Variants in CHRNA4 observed in about 807,000 individuals in gnomAD.
CHRNA4 encodes the protein cholinergic receptor nicotinic alpha 4 subunit, also known as neuronal acetylcholine receptor subunit alpha-4.
CHRNA4 carries 28 observed loss-of-function variants against 48.9 expected under a neutral mutation model. The observed-to-expected ratio is 0.57, with a 90% CI of 0.42 to 0.79. CHRNA4 has a LOEUF of 0.79. Ranked by LOEUF, CHRNA4 falls within the 30% of genes least tolerant of loss-of-function variation. The pLI is 0.00. For synonymous variants in CHRNA4, 425 were observed against 402.3 expected (o/e 1.06, Z -0.68); for missense variants, 859 against 898.4 (o/e 0.96, Z 0.56).
Position 63,350,705 on chromosome 20 carries a change from C to T in CHRNA4, c.706G>A (p.Ala236Thr), listed in dbSNP as rs2068581849. ...AGCGGCAGCCGCCGGATGACGAAGGCATAGGTGATGTCCGGGTAGATCTCG... is the reference window on the plus strand; with the variant it reads ...AGCGGCAGCCGCCGGATGACGAAGGTATAGGTGATGTCCGGGTAGATCTCG... Reference protein sequence around the residue: ...CAEIYPDITYAFVIRRLPLFY... With the variant: ...CAEIYPDITYTFVIRRLPLFY... The change falls in exon 5 of 6, where the codon GCC (alanine) becomes ACC (threonine). Residue 236 changes from alanine to threonine, a missense_variant. This residue lies in a region of CHRNA4 where 342 missense variants were observed against 365.3 expected (regional missense o/e 0.94). Coordinates refer to ENST00000370263, the MANE Select transcript of CHRNA4 (RefSeq NM_000744.7). 6.2e-7 allele frequency: 1 copy of T among 1,613,898 alleles called. No individual in the cohort carries two copies. Among genetic ancestry groups the T allele is most frequent in the Non-Finnish European group, 8.5e-7 (1 of 1,179,994 alleles).
At chr20:63,348,731 G>A (rs540106310) in intron 5 of CHRNA4, among the ~76,000 whole-genome samples, 3 of 152,076 alleles carry the variant, frequency 2.0e-5, no homozygotes, top group East Asian at 1.9e-4. Context: ...CGAGACCCCC[G>A]GCCACCTGTG....
intron 4 of CHRNA4, chr20:63,351,269 G>C (rs981017134): frequency 2.8e-4 from 20 of 72,560 alleles, no homozygotes; most frequent in Admixed American, 6.6e-4. Context: ...TCCACACACA[G>C]AGGCATTCTC....
In CHRNA4 at chr20:63,359,636, C is replaced by G; in HGVS notation, c.140G>C (p.Gly47Ala). ...CACGGGTCGGGACCACTTGTTGTAACCGGAGAAGAGTTTCTTCAGGAGCCG... is the reference window on the plus strand; with the variant it reads ...CACGGGTCGGGACCACTTGTTGTAAGCGGAGAAGAGTTTCTTCAGGAGCCG... Reference protein sequence around the residue: ...EERLLKKLFSGYNKWSRPVAN... With the variant: ...EERLLKKLFSAYNKWSRPVAN... The change falls in exon 2 of 6, where the codon GGT becomes GCT. Residue 47 changes from glycine (G) to alanine (A), a missense_variant. Gly to Ala is a moderately conservative substitution (Grantham distance 60). Transcript: ENST00000370263. The G allele has an allele frequency of 6.2e-7, 1 of 1,612,642 alleles. No individual in the cohort carries two copies. Among genetic ancestry groups the G allele is most frequent in the Non-Finnish European group, 8.5e-7 (1 of 1,179,946 alleles).
chr20:63,349,311 T>G (rs749455368), intron 5 of CHRNA4, among the ~76,000 whole-genome samples: 22 of 152,294 alleles, frequency 1.4e-4, no homozygotes, highest in Admixed American at 7.2e-4. Context: ...TGGCCATTGC[T>G]GGGCAGGAGT....
At chr20:63,351,186 T>TCCACGTCCACGCCAACAGCCACGC (rs760821300) in intron 4 of CHRNA4, 159 bp from the exon 5 acceptor site, 1 of 468,282 alleles carries the variant, frequency 2.1e-6, no homozygotes, top group African/African-American at 3.4e-5. Context: ...CACATCCATG[T>TCCACGTCCACGCCAACAGCCACGC]CCCACGCCCA....
In CHRNA4 at chr20:63,351,368, T is replaced by C. The variant is rs375693866; in HGVS notation, c.384-341A>G. ...CTCGTGCACCTCAGTTTATCATCCC[T>C]GAGCTGGGCGTAGCACGTGGTTCAG... On this transcript the variant is annotated intron_variant, in intron 4 of 5. Transcript: ENST00000370263. Among the ~76,000 whole-genome samples the C allele has an allele frequency of 4.1e-4, 62 of 152,366 alleles. 1 individual carries two copies. The South Asian group carries it at 0.011, about 26-fold the overall frequency.
In CHRNA4 at chr20:63,359,667, C is replaced by T. The variant is rs778087682; in HGVS notation, c.109G>A (p.Glu37Lys). Residue 37 changes from glutamate to lysine, a missense_variant, in exon 2 of 6, where the codon GAG (glutamate) becomes AAG (lysine). Transcript: ENST00000370263. ...AAGAGTTTCTTCAGGAGCCGCTCCT[C>T]GGCGTGGGCCCGGGTCTCCACATGG... is the stretch of plus-strand genomic sequence containing the variant. ...SSHVETRAHAEERLLKKLFSG... is the reference protein window; with the variant it reads ...SSHVETRAHAKERLLKKLFSG... 21 of 1,611,700 alleles carry T rather than the reference C, an allele frequency of 1.3e-5. 1 individual carries two copies. The highest frequency in any genetic ancestry group is 9.9e-5 in the South Asian group (9 of 91,052).
chr20:63,346,894 G>C (rs199842495), intron 5 of CHRNA4, 31 bp from the exon 6 acceptor site: 26 of 1,611,422 alleles, frequency 1.6e-5, no homozygotes, highest in South Asian at 3.3e-5. Context: ...ACTCCAGCAC[G>C]GCCCGGCCGC....
chr20:63,349,019 T>A (rs946763139), intron 5 of CHRNA4, among the ~76,000 whole-genome samples: 3 of 152,110 alleles, frequency 2.0e-5, no homozygotes, highest in Non-Finnish European at 2.9e-5. Flanking sequence ...GTAGGTGGGC[T>A]GGCCCCGGGC....
rs757301006 is a variant in CHRNA4 at position 63,345,084 on chromosome 20, TC to T, written c.*1653del. 5 of 453,866 alleles carry T rather than the reference TC, an allele frequency of 1.1e-5. No individual in the cohort carries two copies. The highest frequency in any genetic ancestry group is 7.8e-5 in the South Asian group (5 of 64,468). 28.1% of individuals were successfully genotyped at this position (453,866 alleles called of 1,614,324 possible). ...GGCCTGAGTCTCCTCCCCACTCACGTCACTGCCCGCGGGGACACAGCGGCAT... is the reference window on the plus strand; with the variant it reads ...GGCCTGAGTCTCCTCCCCACTCACGTACTGCCCGCGGGGACACAGCGGCAT... On this transcript the variant is annotated 3_prime_UTR_variant, in exon 6 of 6. Transcript: ENST00000370263. The surrounding 1 kb of genome is among the most constrained non-coding windows in gnomAD (Gnocchi z 5.4).
chr20:63,355,816 T>G, intron 4 of CHRNA4, 159 bp downstream of exon 4: 1 of 1,087,162 alleles, frequency 9.2e-7, no homozygotes, highest in East Asian at 2.6e-5. Flanking sequence ...TGCTCCTGCT[T>G]CTTCCTTCCT....
chr20:63,354,026 T>G (rs1011478490), intron 4 of CHRNA4, among the ~76,000 whole-genome samples: 34 of 89,964 alleles, frequency 3.8e-4, no homozygotes, highest in South Asian at 1.0e-3. Flanking sequence ...GTCCTAGGGG[T>G]GTTGTAGTCC....
Position 63,345,194 on chromosome 20 carries a change from G to A in CHRNA4, c.*1544C>T, listed in dbSNP as rs2068471916. ...ACCTCCTGACGAGACCCTGGCCCAGGAGAGCTCGGCTCGGGGACAGAGGAA... is the reference window on the plus strand; with the variant it reads ...ACCTCCTGACGAGACCCTGGCCCAGAAGAGCTCGGCTCGGGGACAGAGGAA... On this transcript the variant is annotated 3_prime_UTR_variant, in exon 6 of 6. Coordinates refer to ENST00000370263, the MANE Select transcript of CHRNA4 (RefSeq NM_000744.7). The surrounding 1 kb of genome is among the most constrained non-coding windows in gnomAD (Gnocchi z 5.4). The A allele has an allele frequency of 2.2e-6, 1 of 447,390 alleles. No individual in the cohort carries two copies. The highest frequency in any genetic ancestry group is 2.0e-5 in the African/African-American group (1 of 49,986). 27.7% of individuals were successfully genotyped at this position (447,390 alleles called of 1,614,324 possible).
chr20:63,351,462 G>A (rs1294379999), intron 4 of CHRNA4, among the ~76,000 whole-genome samples: 2 of 152,194 alleles, frequency 1.3e-5, no homozygotes, highest in African/African-American at 2.4e-5. Flanking sequence ...CCTTATCCAT[G>A]AGTGGCGCAT....
chr20:63,360,999 G>T (rs2068810585), intron 1 of CHRNA4, 91 bp downstream of exon 1: 4 of 1,091,552 alleles, frequency 3.7e-6, no homozygotes, highest in Non-Finnish European at 4.8e-6. Flanking sequence ...GCTTGGGACC[G>T]CAGTCAGGAG....
In CHRNA4 at chr20:63,350,564, G is replaced by A. The variant is rs1395158829; in HGVS notation, c.847C>T (p.Leu283=). The A allele has an allele frequency of 6.2e-7, 1 of 1,614,058 alleles. No homozygotes were observed. The highest frequency in any genetic ancestry group is 2.2e-5 in the East Asian group (1 of 44,882). ...EKITLCISVL[L]SLTVFLLLIT... is the part of the protein sequence containing the mutation. ...AGCAGCAGGAAGACGGTGAGCGACA[G>A]CAGCACGGAGATGCACAGCGTGATC... The change falls in exon 5 of 6, where the codon CTG becomes TTG. Residue 283 remains leucine, a synonymous_variant. Transcript: ENST00000370263.
At chr20:63,347,533 G>A (rs373869493) in intron 5 of CHRNA4, among the ~76,000 whole-genome samples, 2 of 152,216 alleles carry the variant, frequency 1.3e-5, no homozygotes, top group Admixed American at 6.5e-5. Flanking sequence ...GACCTCCCCC[G>A]GGTGACCCCC....
rs769233762 is a variant in CHRNA4, at chr20:63,350,266, G to A, written c.1145C>T (p.Pro382Leu). ...IESMHKMASAPRFWPEPEGEP... is the reference protein window; with the variant it reads ...IESMHKMASALRFWPEPEGEP... ...CCCTTCTGGCTCGGGCCAGAAGCGC[G>A]GGGCACTGGCCATCTTATGCATGGA... is the stretch of plus-strand genomic sequence containing the variant. Residue 382 changes from proline to leucine, a missense_variant, in exon 5 of 6, where the codon CCG becomes CTG. Transcript: ENST00000370263. The A allele has an allele frequency of 2.4e-5, 39 of 1,611,324 alleles. No individual in the cohort carries two copies. Among genetic ancestry groups the A allele is most frequent in the Admixed American group, 3.3e-5 (2 of 59,812 alleles).
At position 63,346,100 on chromosome 20, in the gene CHRNA4, T is replaced by C. The variant is rs1344390037; in HGVS notation, c.*638A>G. 1 of 453,964 alleles carries C rather than the reference T, an allele frequency of 2.2e-6. No individual in the cohort carries two copies. The highest frequency in any genetic ancestry group is 2.0e-5 in the African/African-American group (1 of 50,006). The allele number at this position is 453,964 out of a possible 1,614,324, so 28.1% of individuals were successfully genotyped here. The stretch of plus-strand genomic sequence containing the variant: ...GAACCAGCTCCACAAAACTCTGTTC[T>C]CCAAGGCTCCTTAGGCACAAGACTT... On this transcript the variant is annotated 3_prime_UTR_variant, in exon 6 of 6. Coordinates refer to ENST00000370263, the MANE Select transcript of CHRNA4 (RefSeq NM_000744.7).
Sources: allele counts gnomAD v4.1 joint callset (sites outside exome capture counted in the v4.1 genomes callset), GRCh38; gene constraint gnomAD v4.1.1; regional missense constraint gnomAD v4.1.1; non-coding constraint Gnocchi (gnomAD v3.1); transcripts MANE v1.5; gene names NCBI Gene and HGNC (gene_info 2026-07-23, HGNC 2026-07-21).